RICTOR: variants seen among roughly 807,000 people sequenced by gnomAD.
RICTOR encodes the protein RPTOR independent companion of MTOR complex 2.
RICTOR carries 49 observed loss-of-function variants against 214.9 expected under a neutral mutation model. The observed-to-expected ratio is 0.23, with a 90% CI of 0.18 to 0.29. The LOEUF (loss-of-function observed/expected upper bound fraction) is 0.29. Ranked by LOEUF, RICTOR falls within the 10% of genes least tolerant of loss-of-function variation. The pLI, the probability that RICTOR is intolerant of heterozygous loss-of-function variation, is 1.00. For missense variants in RICTOR, 1,625 were observed against 2,047.0 expected (o/e 0.79, Z 3.98); for synonymous variants, 717 against 711.3 (o/e 1.01, Z -0.13).
intron 24 of RICTOR, 141 bp downstream of exon 24, chr5:38,958,302 C>A (rs1749484940): frequency 1.6e-6 from 1 of 617,090 alleles, no homozygotes; most frequent in Non-Finnish European, 2.9e-6. Flanking sequence ...AAGAAAAACC[C>A]AAAATAATGA....
chr5:38,959,057 C>A (rs1749562378), intron 22 of RICTOR, 138 bp downstream of exon 22: 1 of 712,088 alleles, frequency 1.4e-6, no homozygotes. Context: ...ATATGCAGTT[C>A]CTTGGAGAAA....
At chr5:38,977,096 T>C (rs1250345910) in intron 9 of RICTOR, among the ~76,000 whole-genome samples, 2 of 152,228 alleles carry the variant, frequency 1.3e-5, no homozygotes, top group African/African-American at 2.4e-5. Context: ...TCCAGCATTG[T>C]TGCCTTTGCA....
In RICTOR at chr5:38,950,720, CCTAT is replaced by C; in HGVS notation, c.3128-4_3128-1del. ...CCGGTCATCCTCCAATATGAACATA[CCTAT>C]GATTGAAGGATCAATTAATAAAAAC... On this transcript the variant is annotated splice_acceptor_variant and splice_polypyrimidine_tract_variant and intron_variant, in intron 30 of 37. Transcript: ENST00000357387. LOFTEE classifies it high-confidence loss of function. The C allele has an allele frequency of 6.4e-7, 1 of 1,557,216 alleles. No homozygotes were observed. Among genetic ancestry groups the C allele is most frequent in the Non-Finnish European group, 8.7e-7 (1 of 1,153,746 alleles).
Position 38,950,443 on chromosome 5 carries a change from C to T in RICTOR, c.3405G>A (p.Thr1135=), listed in dbSNP as rs764024676. The T allele has an allele frequency of 3.4e-5, 55 of 1,613,474 alleles. No individual in the cohort carries two copies. The highest frequency in any genetic ancestry group is 1.8e-4 in the South Asian group (16 of 91,062). Reference sequence around the variant, plus strand: ...TATGATTAAAATCAACACTGGGCTCCGTAAGTGTTCTGATTCGCCTGTTGC... The same window carrying T: ...TATGATTAAAATCAACACTGGGCTCTGTAAGTGTTCTGATTCGCCTGTTGC... ...KTSNRRIRTL[T]EPSVDFNHSD... Residue 1135 remains threonine (T), a synonymous_variant, in exon 31 of 38, where the codon ACG becomes ACA. Coordinates refer to ENST00000357387, the MANE Select transcript of RICTOR (RefSeq NM_152756.5).
rs191344290 is a variant in RICTOR at position 38,982,462 on chromosome 5, A to C, written c.584-426T>G. ...CACAGTTTAATAATTTTAAGCTCAA[A>C]AATTTCTTGCTCCAAAGATCAGGCA... is the stretch of plus-strand genomic sequence containing the variant. On this transcript the variant is annotated intron_variant, in intron 7 of 37. Transcript: ENST00000357387. Among the ~76,000 whole-genome samples, 334 of 152,284 alleles carry C rather than the reference A, an allele frequency of 2.2e-3. 1 individual carries two copies. The highest frequency in any genetic ancestry group is 7.2e-3 in the African/African-American group (298 of 41,564).
intron 8 of RICTOR, among the ~76,000 whole-genome samples, chr5:38,979,923 C>CT (rs1026225152): frequency 1.3e-5 from 2 of 152,108 alleles, no homozygotes; most frequent in African/African-American, 2.4e-5. Context: ...CAATTTATTT[C>CT]TTTTTTCTCT....
intron 2 of RICTOR, among the ~76,000 whole-genome samples, chr5:39,054,088 G>C (rs1336451236): frequency 3.3e-5 from 5 of 151,958 alleles, no homozygotes; most frequent in Admixed American, 3.3e-4. Context: ...TCTCAAAAAA[G>C]AAAGAAAGAA....
chr5:39,056,659 TAAAA>T (rs113104496), intron 2 of RICTOR, among the ~76,000 whole-genome samples: 2 of 143,338 alleles, frequency 1.4e-5, no homozygotes, highest in African/African-American at 5.1e-5. Flanking sequence ...GCAAAACGAT[TAAAA>T]AAAAAAAATG....
intron 37 of RICTOR, 55 bp from the exon 38 acceptor site, chr5:38,942,433 AT>A: frequency 1.0e-6 from 1 of 963,098 alleles, no homozygotes; most frequent in Non-Finnish European, 1.5e-6. Context: ...ATGATATAAC[AT>A]ATTTATATAA....
At chr5:39,032,070 G>C (rs1208904481) in intron 2 of RICTOR, among the ~76,000 whole-genome samples, 4 of 152,170 alleles carry the variant, frequency 2.6e-5, no homozygotes, top group Non-Finnish European at 4.4e-5. Flanking sequence ...CCCAAGGATA[G>C]CATCTTCTGA....
Position 39,003,576 on chromosome 5 carries a change from T to C in RICTOR, c.242A>G (p.Tyr81Cys), listed in dbSNP as rs1325547088. 6.8e-6 allele frequency: 11 copies of C among 1,608,074 alleles called. No homozygotes were observed. The highest frequency in any genetic ancestry group is 9.4e-6 in the Non-Finnish European group (11 of 1,175,818). The change falls in exon 4 of 38, where the codon TAT becomes TGT. Residue 81 changes from tyrosine (Y) to cysteine (C), a missense_variant. Coordinates refer to ENST00000357387, the MANE Select transcript of RICTOR (RefSeq NM_152756.5). ...GHSEEKLGFH[Y>C]EDIIICLRLA... ...CACTTACCAAATTATGATATCCTCA[T>C]AGTGAAAGCCCAGTTTTTCTTCACT...
At chr5:39,054,506 T>C (rs945774425) in intron 2 of RICTOR, among the ~76,000 whole-genome samples, 2 of 152,230 alleles carry the variant, frequency 1.3e-5, no homozygotes, top group African/African-American at 4.8e-5. Flanking sequence ...CAAGGATAGA[T>C]TCAACATCTA....
chr5:38,990,745 G>GAT lies in RICTOR; in HGVS notation c.583+203_583+204insAT, dbSNP rs1491116178. ...TATATATCATATATATGATATATAT[G>GAT]AGATATATGATATATATGAGATATA... On this transcript the variant is annotated intron_variant, in intron 7 of 37. Coordinates refer to ENST00000357387, the MANE Select transcript of RICTOR (RefSeq NM_152756.5). 7.9e-5 allele frequency among the ~76,000 whole-genome samples: 2 copies of GAT among 25,302 alleles called. 1 individual carries two copies. The highest frequency in any genetic ancestry group is 1.5e-4 in the Non-Finnish European group (2 of 13,028). The allele number at this position is 25,302 out of a possible 152,430, so 16.6% of individuals were successfully genotyped here.
chr5:39,074,128 G>A lies in RICTOR; in HGVS notation c.80C>T (p.Pro27Leu). The change falls in exon 2 of 38, where the codon CCG becomes CTG. Residue 27 changes from proline (P) to leucine (L), a missense_variant. Physicochemically the swap from Pro to Leu is moderately conservative, Grantham distance 98. Transcript: ENST00000357387. ...GRNDSGEENV[P>L]LDLTREPSDN... ...CGCGTTACCTCGGGTCAGATCCAGC[G>A]GGACGTTCTCCTCGCCGCTGTCATT... 3 of 1,584,284 alleles carry A rather than the reference G, an allele frequency of 1.9e-6. No individual in the cohort carries two copies. The highest frequency in any genetic ancestry group is 1.7e-6 in the Non-Finnish European group (2 of 1,167,508).
In RICTOR at chr5:38,944,975, C is replaced by A; in HGVS notation, c.4727G>T (p.Cys1576Phe). 6.2e-7 allele frequency: 1 copy of A among 1,613,950 alleles called. No homozygotes were observed. The highest frequency in any genetic ancestry group is 2.2e-5 in the East Asian group (1 of 44,862). ...VPSKFSGISG[C>F]SDGVSQEGSA... ...GCCTTCTTGAGACACCCCATCACTG[C>A]ATCCAGAAATCCCCGAAAACTTAGA... Residue 1576 changes from cysteine to phenylalanine, a missense_variant, in exon 35 of 38, where the codon TGC becomes TTC. By Grantham distance (205) the Cys-to-Phe change is radical. This residue lies in a region of RICTOR where 1,214 missense variants were observed against 1,470.5 expected (regional missense o/e 0.83). Coordinates refer to ENST00000357387, the MANE Select transcript of RICTOR (RefSeq NM_152756.5).
Position 39,074,348 on chromosome 5 carries a change from C to T in RICTOR, c.30G>A (p.Leu10=), listed in dbSNP as rs1359551627. MAAIGRGRS[L]KNLRVRGRND... ...GCTTACCTCGTACTCGGAGGTTCTT[C>T]AGAGAGCGGCCGCGGCCGATCGCCG... Residue 10 remains leucine, a synonymous_variant, in exon 1 of 38, where the codon CTG becomes CTA. Transcript: ENST00000357387. 5.2e-6 allele frequency: 8 copies of T among 1,539,760 alleles called. No homozygotes were observed. The highest frequency in any genetic ancestry group is 4.0e-5 in the Admixed American group (2 of 49,634).
At chr5:39,038,272 C>T (rs1488699476) in intron 2 of RICTOR, among the ~76,000 whole-genome samples, 1 of 152,160 alleles carries the variant, frequency 6.6e-6, no homozygotes, top group Non-Finnish European at 1.5e-5. Context: ...TTCAACAGTC[C>T]TTCATGCTAA....
chr5:38,983,768 C>G (rs1751920644), intron 7 of RICTOR, among the ~76,000 whole-genome samples: 2 of 152,022 alleles, frequency 1.3e-5, no homozygotes, highest in African/African-American at 4.8e-5. Flanking sequence ...TCGAGACATC[C>G]TGGCCAACAT....
intron 7 of RICTOR, among the ~76,000 whole-genome samples, chr5:38,985,319 G>A (rs1752079971): frequency 6.6e-6 from 1 of 151,940 alleles, no homozygotes; most frequent in Non-Finnish European, 1.5e-5. Flanking sequence ...ACCCTACAAT[G>A]TAAACCCTAT....
Sources: allele counts gnomAD v4.1 joint callset (sites outside exome capture counted in the v4.1 genomes callset), GRCh38; gene constraint gnomAD v4.1.1; regional missense constraint gnomAD v4.1.1; transcripts MANE v1.5; gene names NCBI Gene and HGNC (gene_info 2026-07-23, HGNC 2026-07-21).